Variants in SDK2 observed in about 807,000 individuals in gnomAD.
SDK2 encodes the protein sidekick cell adhesion molecule 2, also known as protein sidekick-2.
In SDK2, 105 loss-of-function variants were observed where a neutral mutation model predicts 253.9. The ratio of observed to expected loss-of-function variants is 0.41; its 90% confidence interval spans 0.35 to 0.49. The LOEUF (loss-of-function observed/expected upper bound fraction) is 0.49, where lower values mean the gene tolerates loss of function less well. Among genes scored for constraint, SDK2 ranks in the 20% least tolerant of loss-of-function variants. The pLI, the probability that SDK2 is intolerant of heterozygous loss-of-function variation, is 0.06. For missense variants in SDK2, 2,608 were observed against 3,003.0 expected (o/e 0.87, Z 3.07); for synonymous variants, 1,249 against 1,234.9 (o/e 1.01, Z -0.24).
intron 1 of SDK2, among the ~76,000 whole-genome samples, chr17:73,581,326 GA>G (rs1370752074): frequency 6.6e-6 from 1 of 152,214 alleles, no homozygotes. Flanking sequence ...CCCAAAGTAG[GA>G]AACGCTCCAG....
intron 3 of SDK2, among the ~76,000 whole-genome samples, chr17:73,457,489 TACAGGC>T (rs971010485): frequency 6.6e-6 from 1 of 151,360 alleles, no homozygotes; most frequent in Non-Finnish European, 1.5e-5. Context: ...TAGCTGGGAT[TACAGGC>T]ACCCGCCAGC....
rs1722582871 is a variant in SDK2 at position 73,511,956 on chromosome 17, G to A, written c.65-4359C>T. Among the ~76,000 whole-genome samples, 2 of 152,200 alleles carry A rather than the reference G, an allele frequency of 1.3e-5. No homozygotes were observed. The highest frequency in any genetic ancestry group is 1.3e-4 in the Admixed American group (2 of 15,284). On this transcript the variant is annotated intron_variant, in intron 1 of 44. Transcript: ENST00000392650. The surrounding 1 kb of genome is among the most constrained non-coding windows in gnomAD (Gnocchi z 4.9). ...GTGTCTGCATGTATGTCCATGTGTG[G>A]ACATTCACATATCTGTGAATGTCAA...
chr17:73,507,306 C>G, intron 2 of SDK2, 132 bp downstream of exon 2: 1 of 966,120 alleles, frequency 1.0e-6, no homozygotes, highest in Non-Finnish European at 1.5e-6. Flanking sequence ...CTTTGCCACT[C>G]ACTTCCAGAA....
At chr17:73,478,548 A>C (rs2063701664) in intron 2 of SDK2, among the ~76,000 whole-genome samples, 1 of 152,160 alleles carries the variant, frequency 6.6e-6, no homozygotes, top group African/African-American at 2.4e-5. Context: ...CTCTTCGAAG[A>C]TGAAGAGATG....
intron 1 of SDK2, among the ~76,000 whole-genome samples, chr17:73,564,852 C>G (rs2045289857): frequency 6.6e-6 from 1 of 151,776 alleles, no homozygotes; most frequent in Non-Finnish European, 1.5e-5. Flanking sequence ...AAAAACAAAC[C>G]CAAAACAAAA....
chr17:73,457,602 CGGCCTCCCAAAGTGTTGGGATTACA>C lies in SDK2; in HGVS notation c.332-1574_332-1550del, dbSNP rs1224297388. ...CTGACCTAAAGTGATCCGCCCGCCT[CGGCCTCCCAAAGTGTTGGGATTACA>C]GGTCTGAGCCACCGTGCCCAGCCTA... On this transcript the variant is annotated intron_variant, in intron 3 of 44. Transcript: ENST00000392650. 1.4e-4 allele frequency among the ~76,000 whole-genome samples: 22 copies of C among 152,006 alleles called. No individual in the cohort carries two copies. In the East Asian group the frequency reaches 4.1e-3, roughly 28 times the overall value.
chr17:73,365,880 G>C (rs2062680434), intron 37 of SDK2, among the ~76,000 whole-genome samples: 1 of 152,116 alleles, frequency 6.6e-6, no homozygotes, highest in Admixed American at 6.5e-5. Context: ...CTCCTCCTGG[G>C]GCTCCAGGGC....
rs929279308 is a variant in SDK2, at chr17:73,612,733, A to G, written c.64+31292T>C. 6.6e-6 allele frequency among the ~76,000 whole-genome samples: 1 copy of G among 152,174 alleles called. No individual in the cohort carries two copies. Among genetic ancestry groups the G allele is most frequent in the South Asian group, 2.1e-4 (1 of 4,828 alleles). On this transcript the variant is annotated intron_variant, in intron 1 of 44. Transcript: ENST00000392650. The surrounding 1 kb of genome is among the most constrained non-coding windows in gnomAD (Gnocchi z 4.4). ...AGACTTTGAGACAAGCCTGACCAAC[A>G]TGGTGAAACCCCGTCTCTACTAAAA...
rs146316180 is a variant in SDK2, at chr17:73,487,518, G to A, written c.225-15300C>T. ...AGGGCCAGGGTAAGAGGTGGAAGGC[G>A]TTCCACAGCCCTGCTGCTCACAGTG... On this transcript the variant is annotated intron_variant, in intron 2 of 44. Transcript: ENST00000392650. Among the ~76,000 whole-genome samples the A allele has an allele frequency of 2.6e-3, 396 of 152,360 alleles. 1 individual carries two copies. Among genetic ancestry groups the A allele is most frequent in the African/African-American group, 9.0e-3 (374 of 41,586 alleles).
chr17:73,619,360 CA>C (rs1235147046), intron 1 of SDK2, among the ~76,000 whole-genome samples: 11 of 152,010 alleles, frequency 7.2e-5, no homozygotes, highest in African/African-American at 2.4e-4. Context: ...ATCAAAACAG[CA>C]GCAGAAATCA....
At chr17:73,495,381 G>T (rs1323893768) in intron 2 of SDK2, among the ~76,000 whole-genome samples, 1 of 152,186 alleles carries the variant, frequency 6.6e-6, no homozygotes, top group Non-Finnish European at 1.5e-5. Context: ...GGGATCTAGG[G>T]GTTATAGGCC....
At chr17:73,641,513 C>T (rs561746379) in intron 1 of SDK2, among the ~76,000 whole-genome samples, 10 of 152,240 alleles carry the variant, frequency 6.6e-5, no homozygotes, top group South Asian at 4.2e-4. Context: ...TGTGACCCAT[C>T]GGGCATACGG....
At chr17:73,549,885 A>G (rs1485326274) in intron 1 of SDK2, among the ~76,000 whole-genome samples, 1 of 152,194 alleles carries the variant, frequency 6.6e-6, no homozygotes, top group Non-Finnish European at 1.5e-5. Flanking sequence ...GCTGCAACGT[A>G]GTGGGGAACG....
intron 1 of SDK2, among the ~76,000 whole-genome samples, chr17:73,553,440 G>A (rs2145840355): frequency 6.6e-6 from 1 of 152,224 alleles, no homozygotes; most frequent in Non-Finnish European, 1.5e-5. Context: ...AACAAGTCCT[G>A]CCCAAAGTCA....
At chr17:73,457,066 T>G (rs888554273) in intron 3 of SDK2, among the ~76,000 whole-genome samples, 3 of 152,148 alleles carry the variant, frequency 2.0e-5, no homozygotes, top group African/African-American at 4.8e-5. Context: ...CATGTTCAAC[T>G]GTGAGGAGCA....
intron 1 of SDK2, among the ~76,000 whole-genome samples, chr17:73,564,437 T>C (rs1687681680): frequency 6.6e-6 from 1 of 152,202 alleles, no homozygotes; most frequent in Non-Finnish European, 1.5e-5. Flanking sequence ...TGTGTCGTCA[T>C]CTGAACAACT....
intron 1 of SDK2, among the ~76,000 whole-genome samples, chr17:73,589,707 C>T (rs1391494303): frequency 6.6e-6 from 1 of 152,198 alleles, no homozygotes; most frequent in Non-Finnish European, 1.5e-5. Flanking sequence ...AGGCTGGAAC[C>T]CAAAGTGGGG....
In SDK2 at chr17:73,618,334, A is replaced by G. The variant is rs1033475440; in HGVS notation, c.64+25691T>C. 1.3e-5 allele frequency among the ~76,000 whole-genome samples: 2 copies of G among 152,104 alleles called. No individual in the cohort carries two copies. Among genetic ancestry groups the G allele is most frequent in the Non-Finnish European group, 2.9e-5 (2 of 68,012 alleles). On this transcript the variant is annotated intron_variant, in intron 1 of 44. Coordinates refer to ENST00000392650, the MANE Select transcript of SDK2 (RefSeq NM_001144952.2). The surrounding 1 kb of genome is among the most constrained non-coding windows in gnomAD (Gnocchi z 4.1). ...CGTTCATGCCAACTGGCCTCTCCCCATGGAGAGGGAGAGCTCGCTGTGCCT... is the reference window on the plus strand; with the variant it reads ...CGTTCATGCCAACTGGCCTCTCCCCGTGGAGAGGGAGAGCTCGCTGTGCCT...
rs567279417 is a variant in SDK2 at position 73,533,307 on chromosome 17, C to T, written c.65-25710G>A. 7.9e-5 allele frequency among the ~76,000 whole-genome samples: 12 copies of T among 152,334 alleles called. No individual in the cohort carries two copies. In the South Asian group the frequency reaches 1.2e-3, roughly 16 times the overall value. On this transcript the variant is annotated intron_variant, in intron 1 of 44. Transcript: ENST00000392650. ...AGGCCACACTCTGGGGCCCCGGGGC[C>T]GACTGGCACGGTGGCTTGGCCTGGA...
Sources: allele counts gnomAD v4.1 joint callset (sites outside exome capture counted in the v4.1 genomes callset), GRCh38; gene constraint gnomAD v4.1.1; non-coding constraint Gnocchi (gnomAD v3.1); transcripts MANE v1.5; gene names NCBI Gene and HGNC (gene_info 2026-07-23, HGNC 2026-07-21).